The following DOCK4 variants were observed in gnomAD, a reference collection of about 807,000 sequenced individuals.
DOCK4 encodes dedicator of cytokinesis protein 4.
Under a neutral mutation model 268.1 loss-of-function variants are expected in DOCK4, and 97 were observed. That is an observed-to-expected ratio of 0.36 (90% CI 0.31 to 0.43). The LOEUF (loss-of-function observed/expected upper bound fraction) is 0.43. Among genes scored for constraint, DOCK4 ranks in the 20% least tolerant of loss-of-function variants. The pLI, the probability that DOCK4 is intolerant of heterozygous loss-of-function variation, is 1.00. For synonymous variants in DOCK4, 954 were observed against 887.2 expected, an observed-to-expected ratio of 1.08 and a Z score of -1.34; for missense variants, 2,145 against 2,455.7, an observed-to-expected ratio of 0.87 and a Z score of 2.67.
At chr7:111,986,730 T>C (rs1232266116) in intron 6 of DOCK4, among the ~76,000 whole-genome samples, 1 of 152,190 alleles carries the variant, frequency 6.6e-6, no homozygotes, top group Non-Finnish European at 1.5e-5. Flanking sequence ...TGTACCATTA[T>C]TTTAGTGCTG....
chr7:111,793,209 C>T, intron 30 of DOCK4, among the ~76,000 whole-genome samples: 1 of 152,146 alleles, frequency 6.6e-6, no homozygotes, highest in East Asian at 1.9e-4. Flanking sequence ...CTGCACACAG[C>T]TAAATATTTT....
chr7:112,140,891 T>A (rs1814858131), intron 1 of DOCK4, among the ~76,000 whole-genome samples: 1 of 152,172 alleles, frequency 6.6e-6, no homozygotes. Context: ...CATTCACACC[T>A]GACCTCGAGC....
chr7:111,974,987 C>T (rs1030061187), intron 8 of DOCK4, among the ~76,000 whole-genome samples: 26 of 152,162 alleles, frequency 1.7e-4, no homozygotes, highest in Non-Finnish European at 2.9e-5. Flanking sequence ...AACAGGCGAC[C>T]AGGCACAGTG....
intron 1 of DOCK4, among the ~76,000 whole-genome samples, chr7:112,101,879 G>A (rs1810725276): frequency 1.4e-5 from 2 of 144,534 alleles, no homozygotes; most frequent in Admixed American, 1.4e-4. Flanking sequence ...GTCTTGCTCT[G>A]TTGCCCAGGC....
chr7:111,812,420 C>T (rs1018084318), intron 27 of DOCK4, among the ~76,000 whole-genome samples: 1 of 152,168 alleles, frequency 6.6e-6, no homozygotes. Context: ...GCTGGGTCTA[C>T]AGGTGCATGC....
chr7:112,015,622 A>G (rs1375297406), intron 1 of DOCK4, among the ~76,000 whole-genome samples: 1 of 152,198 alleles, frequency 6.6e-6, no homozygotes, highest in Admixed American at 6.5e-5. Context: ...GTATAAAGAT[A>G]TATTCTTAAA....
chr7:112,012,181 G>T (rs1000595671), intron 1 of DOCK4, among the ~76,000 whole-genome samples: 2 of 152,058 alleles, frequency 1.3e-5, no homozygotes, highest in Non-Finnish European at 2.9e-5. Context: ...AGATTCAAAA[G>T]CCAAAATAAG....
chr7:111,736,869 A>G (rs1795530635), intron 50 of DOCK4, 48 bp downstream of exon 50: 1 of 1,521,466 alleles, frequency 6.6e-7, no homozygotes, highest in Non-Finnish European at 9.0e-7. Context: ...ACATGAGGAT[A>G]AAACAAGCCC....
chr7:112,079,432 T>C (rs968544524), intron 1 of DOCK4, among the ~76,000 whole-genome samples: 7 of 152,160 alleles, frequency 4.6e-5, no homozygotes, highest in African/African-American at 1.2e-4. Flanking sequence ...ATTGGCAATA[T>C]AACTTTAGTA....
intron 30 of DOCK4, among the ~76,000 whole-genome samples, chr7:111,793,245 C>T (rs1363438804): frequency 6.6e-6 from 1 of 152,216 alleles, no homozygotes; most frequent in Non-Finnish European, 1.5e-5. Flanking sequence ...TGTTGCAATG[C>T]TGCATATGCT....
At chr7:111,869,493 T>A (rs774271162) in intron 21 of DOCK4, 81 bp downstream of exon 21, 18 of 1,216,756 alleles carry the variant, frequency 1.5e-5, no homozygotes, top group Non-Finnish European at 1.8e-5. Flanking sequence ...CATTACTGTC[T>A]GTGTAGAGGA....
intron 8 of DOCK4, among the ~76,000 whole-genome samples, chr7:111,957,131 G>A (rs1453203695): frequency 6.6e-6 from 1 of 152,064 alleles, no homozygotes; most frequent in East Asian, 1.9e-4. Context: ...ATTTTCTGTT[G>A]AAGTCTATAG....
intron 26 of DOCK4, among the ~76,000 whole-genome samples, chr7:111,826,552 C>CA (rs993318801): frequency 9.9e-5 from 15 of 151,904 alleles, no homozygotes; most frequent in East Asian, 1.9e-4. Context: ...TATGCAGCCA[C>CA]AAAAAAAGAA....
chr7:111,741,239 C>T, intron 46 of DOCK4, 25 bp from the exon 47 acceptor site: 2 of 1,611,878 alleles, frequency 1.2e-6, no homozygotes, highest in Non-Finnish European at 1.7e-6. Context: ...AAAAAAAGGT[C>T]ATTAACTCAG....
intron 32 of DOCK4, among the ~76,000 whole-genome samples, chr7:111,787,178 GTATT>G (rs1356160877): frequency 6.6e-6 from 1 of 152,100 alleles, no homozygotes; most frequent in Admixed American, 6.6e-5. Context: ...AACTATGTCA[GTATT>G]TATTAATCTT....
chr7:112,096,358 T>A (rs1343922609), intron 1 of DOCK4, among the ~76,000 whole-genome samples: 1 of 152,054 alleles, frequency 6.6e-6, no homozygotes, highest in Non-Finnish European at 1.5e-5. Flanking sequence ...TATTTTTTAC[T>A]TTTTGGTAGA....
intron 1 of DOCK4, among the ~76,000 whole-genome samples, chr7:112,148,168 A>G (rs751907554): frequency 2.0e-5 from 3 of 152,216 alleles, no homozygotes; most frequent in Non-Finnish European, 2.9e-5. Flanking sequence ...CCTTTAAGAC[A>G]TATAAAGCAC....
At chr7:112,060,620 A>C (rs950162939) in intron 1 of DOCK4, among the ~76,000 whole-genome samples, 1 of 152,152 alleles carries the variant, frequency 6.6e-6, no homozygotes, top group African/African-American at 2.4e-5. Flanking sequence ...CATAACACAC[A>C]CCAAATAATA....
chr7:111,879,384 C>G, intron 16 of DOCK4, among the ~76,000 whole-genome samples: 1 of 152,074 alleles, frequency 6.6e-6, no homozygotes. Context: ...TGTGACCCAG[C>G]ACATTCCCAG....
Sources: allele counts gnomAD v4.1 joint callset (sites outside exome capture counted in the v4.1 genomes callset), GRCh38; gene constraint gnomAD v4.1.1; transcripts MANE v1.5; gene names NCBI Gene and HGNC (gene_info 2026-07-23, HGNC 2026-07-21).